TMEM132B: variants seen among roughly 807,000 people sequenced by gnomAD.
TMEM132B encodes transmembrane protein 132B.
Under a neutral mutation model 90.8 loss-of-function variants are expected in TMEM132B, and 18 were observed. The ratio of observed to expected loss-of-function variants is 0.20; its 90% CI spans 0.14 to 0.29. The LOEUF is 0.29. TMEM132B is among the 10% of genes least tolerant of loss of function. The probability of loss-of-function intolerance (pLI) is 1.00; values close to 1 mark genes in which losing one functional copy is unlikely to be tolerated. For missense variants in TMEM132B, 1,096 were observed against 1,326.8 expected, an observed-to-expected ratio of 0.83 and a Z score of 2.70; for synonymous variants, 504 against 523.3, an observed-to-expected ratio of 0.96 and a Z score of 0.50.
intron 4 of TMEM132B, among the ~76,000 whole-genome samples, chr12:125,529,833 C>T (rs562493774): frequency 4.6e-5 from 7 of 152,294 alleles, no homozygotes; most frequent in Non-Finnish European, 7.4e-5. Context: ...GATAAGTGCC[C>T]GTTGGCTGCT....
chr12:125,197,066 G>A (rs117228607), intron 1 of TMEM132B, among the ~76,000 whole-genome samples: 2,316 of 152,188 alleles, frequency 0.015, 24 homozygotes, highest in Non-Finnish European at 0.023. Context: ...AACTTGTGTC[G>A]TGGGGGTTTG....
At chr12:125,623,518 G>A (rs753552668) in intron 5 of TMEM132B, among the ~76,000 whole-genome samples, 4 of 152,028 alleles carry the variant, frequency 2.6e-5, no homozygotes, top group Non-Finnish European at 5.9e-5. Flanking sequence ...CTAATAGGGA[G>A]TGAGATAAGG....
intron 5 of TMEM132B, among the ~76,000 whole-genome samples, chr12:125,643,126 G>A (rs1425465158): frequency 3.3e-5 from 5 of 152,272 alleles, no homozygotes; most frequent in East Asian, 1.9e-4. Context: ...ACAGATTCAA[G>A]TGAGGAAGAG....
intron 4 of TMEM132B, among the ~76,000 whole-genome samples, chr12:125,575,882 T>C (rs1884930617): frequency 6.6e-6 from 1 of 152,058 alleles, no homozygotes; most frequent in African/African-American, 2.4e-5. Flanking sequence ...AATGAGAGAA[T>C]TTATTTCTGG....
chr12:125,590,642 T>C (rs1359895548), intron 5 of TMEM132B, among the ~76,000 whole-genome samples: 1 of 152,224 alleles, frequency 6.6e-6, no homozygotes, highest in Admixed American at 6.5e-5. Context: ...GAGGGCAATA[T>C]ATAAACAGCT....
At chr12:125,392,977 GC>G (rs1364037230) in intron 2 of TMEM132B, among the ~76,000 whole-genome samples, 3 of 152,150 alleles carry the variant, frequency 2.0e-5, no homozygotes, top group Non-Finnish European at 4.4e-5. Flanking sequence ...CTCCTGCGTA[GC>G]CTGCCTCTGT....
chr12:125,573,258 A>G (rs980628573), intron 4 of TMEM132B, among the ~76,000 whole-genome samples: 2 of 152,216 alleles, frequency 1.3e-5, no homozygotes, highest in Non-Finnish European at 2.9e-5. Context: ...TACGTTATAC[A>G]TAGGTAGACA....
intron 1 of TMEM132B, among the ~76,000 whole-genome samples, chr12:125,324,991 A>G (rs897342318): frequency 2.0e-5 from 3 of 152,210 alleles, no homozygotes; most frequent in Non-Finnish European, 2.9e-5. Context: ...CCCTTGGTGT[A>G]GACAGTGGTT....
chr12:125,257,340 C>T (rs1029030951), intron 1 of TMEM132B, among the ~76,000 whole-genome samples: 2 of 152,182 alleles, frequency 1.3e-5, no homozygotes, highest in African/African-American at 4.8e-5. Flanking sequence ...CACCTGGAGG[C>T]TCCCTGTTTC....
chr12:125,648,455 C>T (rs1174044563), intron 6 of TMEM132B, among the ~76,000 whole-genome samples: 1 of 150,394 alleles, frequency 6.6e-6, no homozygotes, highest in East Asian at 1.9e-4. Context: ...TGCCAATTTC[C>T]TGGTTTTGAT....
intron 3 of TMEM132B, among the ~76,000 whole-genome samples, chr12:125,478,240 T>C (rs545230001): frequency 6.6e-6 from 1 of 152,216 alleles, no homozygotes; most frequent in Non-Finnish European, 1.5e-5. Flanking sequence ...TTGCCAGCAA[T>C]GGAACAAAGC....
intron 5 of TMEM132B, among the ~76,000 whole-genome samples, chr12:125,592,217 T>C (rs2136896765): frequency 6.6e-6 from 1 of 152,366 alleles, no homozygotes; most frequent in East Asian, 1.9e-4. Flanking sequence ...CATGTTTTCA[T>C]GCATTTGCAG....
At chr12:125,325,669 C>CTGTGTGTGTGTGTG (rs59220510) in intron 1 of TMEM132B, among the ~76,000 whole-genome samples, 4 of 124,396 alleles carry the variant, frequency 3.2e-5, no homozygotes, top group East Asian at 5.5e-4. Flanking sequence ...GCCTCCCACC[C>CTGTGTGTGTGTGTG]TGTGTGTGTG....
chr12:125,505,195 A>AAAAAAAAAAC (rs1183847146), intron 3 of TMEM132B, among the ~76,000 whole-genome samples: 2 of 147,896 alleles, frequency 1.4e-5, no homozygotes, highest in Admixed American at 6.7e-5. Context: ...AAAAAAAAAA[A>AAAAAAAAAAC]CAGTAAGTGG....
chr12:125,346,742 T>C (rs1474297429), intron 1 of TMEM132B, among the ~76,000 whole-genome samples: 1 of 152,220 alleles, frequency 6.6e-6, no homozygotes, highest in Middle Eastern at 3.2e-3. Flanking sequence ...GCCAAGCCTG[T>C]ATGGACATCA....
At chr12:125,595,589 A>G (rs897873192) in intron 5 of TMEM132B, among the ~76,000 whole-genome samples, 1 of 152,158 alleles carries the variant, frequency 6.6e-6, no homozygotes, top group Non-Finnish European at 1.5e-5. Context: ...AAAGGCAAAA[A>G]TCGCAATTAC....
At chr12:125,321,116 T>G in intron 1 of TMEM132B, among the ~76,000 whole-genome samples, 1 of 152,146 alleles carries the variant, frequency 6.6e-6, no homozygotes, top group Admixed American at 6.5e-5. Flanking sequence ...GAACTGAGAG[T>G]TCTGGAAAAG....
chr12:125,193,879 G>A (rs543920771), intron 1 of TMEM132B, among the ~76,000 whole-genome samples: 2 of 152,352 alleles, frequency 1.3e-5, no homozygotes, highest in East Asian at 3.9e-4. Context: ...CAAGTGCCAT[G>A]GGGAGAGAAA....
chr12:125,416,261 G>A (rs149391209), intron 3 of TMEM132B, among the ~76,000 whole-genome samples: 25 of 151,912 alleles, frequency 1.6e-4, no homozygotes, highest in African/African-American at 4.8e-4. Flanking sequence ...TGTTGCAGCC[G>A]CCTTCCCTAC....
Sources: allele counts gnomAD v4.1 joint callset (sites outside exome capture counted in the v4.1 genomes callset), GRCh38; gene constraint gnomAD v4.1.1; transcripts MANE v1.5; gene names NCBI Gene and HGNC (gene_info 2026-07-23, HGNC 2026-07-21).